Variants in LINGO2 observed in about 807,000 individuals in gnomAD.
The protein encoded by LINGO2 is leucine rich repeat and Ig domain containing 2.
Under a neutral mutation model 30.6 loss-of-function variants are expected in LINGO2, and 14 were observed. The ratio of observed to expected loss-of-function variants is 0.46; its 90% confidence interval spans 0.30 to 0.72. The LOEUF (loss-of-function observed/expected upper bound fraction) is 0.72, where lower values mean the gene tolerates loss of function less well. LINGO2 is among the 30% of genes least tolerant of loss of function. The probability of loss-of-function intolerance (pLI) is 0.07; values close to 1 mark genes in which losing one functional copy is unlikely to be tolerated. For synonymous variants in LINGO2, 317 were observed against 288.5 expected (o/e 1.10, Z -1.00); for missense variants, 729 against 751.7 (o/e 0.97, Z 0.35).
chr9:29,180,960 T>G, the LINGO2 span, among the ~76,000 whole-genome samples: 1 of 152,218 alleles, frequency 6.6e-6, no homozygotes, highest in Non-Finnish European at 1.5e-5. Flanking sequence ...GGTTGGGATT[T>G]TATCTATTCT....
chr9:28,378,169 A>G (rs531060741), intron 2 of LINGO2, among the ~76,000 whole-genome samples: 5 of 152,216 alleles, frequency 3.3e-5, no homozygotes, highest in African/African-American at 9.6e-5. Flanking sequence ...AAAATTCCTC[A>G]GACAGAAAAG....
chr9:29,029,387 G>A, the LINGO2 span, among the ~76,000 whole-genome samples: 1 of 152,154 alleles, frequency 6.6e-6, no homozygotes, highest in Non-Finnish European at 1.5e-5. Context: ...TGCACAGTAA[G>A]TATAGTTATG....
At chr9:28,111,629 C>A (rs1232004018) in intron 4 of LINGO2, among the ~76,000 whole-genome samples, 2 of 152,026 alleles carry the variant, frequency 1.3e-5, no homozygotes, top group Admixed American at 6.6e-5. Context: ...AATGTGCTCC[C>A]CCTTTCTGCA....
At chr9:28,035,759 A>AT (rs903878027) in intron 4 of LINGO2, among the ~76,000 whole-genome samples, 1 of 152,164 alleles carries the variant, frequency 6.6e-6, no homozygotes, top group African/African-American at 2.4e-5. Context: ...TGTTGAATAT[A>AT]TGTTATGTAT....
chr9:28,969,476 C>A, the LINGO2 span, among the ~76,000 whole-genome samples: 1 of 152,228 alleles, frequency 6.6e-6, no homozygotes, highest in South Asian at 2.1e-4. Context: ...GGCTTTTGAG[C>A]TGAAGAGAAA....
intron 1 of LINGO2, among the ~76,000 whole-genome samples, chr9:28,634,342 G>A (rs1456842349): frequency 6.6e-6 from 1 of 151,854 alleles, no homozygotes; most frequent in Non-Finnish European, 1.5e-5. Context: ...GTTCTCTAGA[G>A]GTCCATGCAG....
the LINGO2 span, among the ~76,000 whole-genome samples, chr9:28,754,209 C>T: frequency 6.6e-6 from 1 of 152,006 alleles, no homozygotes; most frequent in Non-Finnish European, 1.5e-5. Context: ...ATTCTTCTTC[C>T]ATTTAATTCT....
the LINGO2 span, among the ~76,000 whole-genome samples, chr9:29,131,559 T>G: frequency 2.0e-5 from 3 of 152,078 alleles, no homozygotes; most frequent in African/African-American, 4.8e-5. Flanking sequence ...TCCTATCAGA[T>G]AAACGTTTCT....
At chr9:28,105,990 A>G (rs1353436458) in intron 4 of LINGO2, among the ~76,000 whole-genome samples, 2 of 152,142 alleles carry the variant, frequency 1.3e-5, no homozygotes, top group Non-Finnish European at 2.9e-5. Flanking sequence ...GCTAGCAAGC[A>G]TTACCAACAG....
chr9:28,728,413 A>T, the LINGO2 span, among the ~76,000 whole-genome samples: 1 of 152,180 alleles, frequency 6.6e-6, no homozygotes, highest in African/African-American at 2.4e-5. Context: ...GCAAATGAAA[A>T]AAAAGAAAAG....
chr9:29,061,736 T>C, the LINGO2 span, among the ~76,000 whole-genome samples: 9 of 151,938 alleles, frequency 5.9e-5, no homozygotes, highest in South Asian at 2.1e-4. Flanking sequence ...GAAGAAAACA[T>C]AGGGTAAAAG....
chr9:28,769,121 A>AT, the LINGO2 span, among the ~76,000 whole-genome samples: 3 of 151,678 alleles, frequency 2.0e-5, no homozygotes, highest in Non-Finnish European at 2.9e-5. Context: ...TCTCCCTCCC[A>AT]TTTTTTAAGG....
the LINGO2 span, among the ~76,000 whole-genome samples, chr9:28,730,715 G>A: frequency 6.6e-6 from 1 of 152,084 alleles, no homozygotes; most frequent in Non-Finnish European, 1.5e-5. Context: ...ATGGCAATAA[G>A]AATATGAAAA....
the LINGO2 span, among the ~76,000 whole-genome samples, chr9:28,970,356 T>C: frequency 7.2e-5 from 11 of 152,164 alleles, no homozygotes; most frequent in Admixed American, 1.3e-4. Flanking sequence ...ATTCCACCAA[T>C]GGTCCCCCTG....
intron 5 of LINGO2, among the ~76,000 whole-genome samples, chr9:27,961,138 C>T (rs28738967): frequency 0.019 from 2,957 of 152,150 alleles, 99 homozygotes; most frequent in African/African-American, 0.069. Flanking sequence ...ACAAAATAGG[C>T]TTTCTGTTAG....
intron 1 of LINGO2, among the ~76,000 whole-genome samples, chr9:28,479,910 GGTATATATATATATATA>G (rs1564228290): frequency 4.6e-3 from 80 of 17,240 alleles, no homozygotes; most frequent in Admixed American, 0.026. Flanking sequence ...TATATACGTA[GGTATATATATATATATA>G]TATATATATA....
intron 3 of LINGO2, among the ~76,000 whole-genome samples, chr9:28,334,843 A>C (rs1391972305): frequency 6.6e-6 from 1 of 152,144 alleles, no homozygotes; most frequent in Non-Finnish European, 1.5e-5. Flanking sequence ...AGCTATGAAG[A>C]GAGGATTCCC....
intron 4 of LINGO2, among the ~76,000 whole-genome samples, chr9:28,195,576 C>T (rs1464065586): frequency 2.0e-5 from 3 of 150,518 alleles, no homozygotes; most frequent in African/African-American, 7.3e-5. Context: ...ATTTTTTTCA[C>T]AACCCTATAT....
chr9:28,603,784 T>G (rs1348364839), intron 1 of LINGO2, among the ~76,000 whole-genome samples: 1 of 152,024 alleles, frequency 6.6e-6, no homozygotes, highest in Non-Finnish European at 1.5e-5. Flanking sequence ...TTTGAATTTA[T>G]TCTTTGGCAT....
Sources: gnomAD v4.1 joint callset for allele counts (sites outside exome capture counted in the v4.1 genomes callset) on GRCh38, gnomAD v4.1.1 for gene constraint, MANE v1.5 for transcripts, NCBI Gene and HGNC (gene_info 2026-07-23, HGNC 2026-07-21) for gene names.